DOCK1: variants seen among roughly 807,000 people sequenced by gnomAD.
DOCK1 encodes the protein dedicator of cytokinesis protein 1.
A neutral mutation model predicts 262.7 loss-of-function variants in DOCK1; 138 were observed. The observed-to-expected ratio is 0.53, with a 90% CI of 0.46 to 0.61. The LOEUF is 0.61. Among genes scored for constraint, DOCK1 ranks in the 20% least tolerant of loss-of-function variants. DOCK1 has a pLI of 0.00. For missense variants in DOCK1, 1,908 were observed against 2,370.7 expected, an observed-to-expected ratio of 0.80 and a Z score of 4.05; for synonymous variants, 866 against 867.4, an observed-to-expected ratio of 1.00 and a Z score of 0.03.
chr10:127,270,999 ATG>A (rs759346728), intron 29 of DOCK1, among the ~76,000 whole-genome samples: 5 of 133,650 alleles, frequency 3.7e-5, no homozygotes, highest in African/African-American at 1.1e-4. Flanking sequence ...ATATGTGTGT[ATG>A]TGTGTGTGTG....
intron 29 of DOCK1, among the ~76,000 whole-genome samples, chr10:127,266,792 C>T (rs957997603): frequency 1.1e-4 from 17 of 152,166 alleles, no homozygotes; most frequent in African/African-American, 3.9e-4. Context: ...TACTACAGCT[C>T]ATGCACTTAA....
At chr10:127,361,881 A>G (rs1293694870) in intron 32 of DOCK1, among the ~76,000 whole-genome samples, 183 bp from the exon 33 acceptor site, 1 of 152,188 alleles carries the variant, frequency 6.6e-6, no homozygotes, top group African/African-American at 2.4e-5. Context: ...AATACAGGCC[A>G]CTTCTTATAC....
At chr10:127,036,887 A>C (rs2043658930) in intron 18 of DOCK1, among the ~76,000 whole-genome samples, 3 of 151,038 alleles carry the variant, frequency 2.0e-5, no homozygotes, top group African/African-American at 7.3e-5. Flanking sequence ...TGAGGCAGGA[A>C]AATCTCTTGA....
At chr10:126,984,023 T>TCTTATTATG (rs879408037) in intron 4 of DOCK1, among the ~76,000 whole-genome samples, 1 of 152,168 alleles carries the variant, frequency 6.6e-6, no homozygotes, top group Non-Finnish European at 1.5e-5. Flanking sequence ...CTTATCCTCT[T>TCTTATTATG]CTTATTATGC....
Position 127,176,681 on chromosome 10 carries a change from T to G in DOCK1, c.2847+48917T>G, listed in dbSNP as rs1263119661. On this transcript the variant is annotated intron_variant, in intron 27 of 51. Coordinates refer to ENST00000623213, the MANE Select transcript of DOCK1 (RefSeq NM_001290223.2). The surrounding 1 kb of genome is among the most constrained non-coding windows in gnomAD (Gnocchi z 4.4). ...TGTTTCCCCATTAGACAAACCTGTTTTACTACATTCATCAAGAAACCCAAT... is the reference window on the plus strand; with the variant it reads ...TGTTTCCCCATTAGACAAACCTGTTGTACTACATTCATCAAGAAACCCAAT... 6.6e-6 allele frequency among the ~76,000 whole-genome samples: 1 copy of G among 152,184 alleles called. No homozygotes were observed. The highest frequency in any genetic ancestry group is 6.5e-5 in the Admixed American group (1 of 15,278).
intron 23 of DOCK1, among the ~76,000 whole-genome samples, chr10:127,071,336 G>C (rs1056540226): frequency 2.0e-5 from 3 of 152,142 alleles, no homozygotes; most frequent in African/African-American, 7.2e-5. Flanking sequence ...AATCAGGAGA[G>C]GTCTGGATAA....
At chr10:127,031,135 T>G (rs2043210732) in intron 16 of DOCK1, among the ~76,000 whole-genome samples, 1 of 152,190 alleles carries the variant, frequency 6.6e-6, no homozygotes. Flanking sequence ...GATTTTAGTT[T>G]TCTGTATTGA....
intron 29 of DOCK1, among the ~76,000 whole-genome samples, chr10:127,311,221 G>A (rs1318226208): frequency 6.6e-6 from 1 of 152,182 alleles, no homozygotes; most frequent in Non-Finnish European, 1.5e-5. Context: ...CTGGGGCCAT[G>A]CTTTGAAGGA....
intron 8 of DOCK1, 68 bp downstream of exon 8, chr10:126,998,317 C>T (rs2040353570): frequency 6.3e-7 from 1 of 1,593,302 alleles, no homozygotes; most frequent in South Asian, 1.1e-5. Flanking sequence ...ATCAGAACCA[C>T]TGAAGCGTCC....
At chr10:127,170,883 C>A (rs910864513) in intron 27 of DOCK1, among the ~76,000 whole-genome samples, 1 of 152,198 alleles carries the variant, frequency 6.6e-6, no homozygotes. Flanking sequence ...TTCATGCAAG[C>A]CCGCACTGCA....
At chr10:127,127,472 C>A (rs901953370) in intron 26 of DOCK1, among the ~76,000 whole-genome samples, 197 bp from the exon 27 acceptor site, 1 of 152,190 alleles carries the variant, frequency 6.6e-6, no homozygotes, top group Non-Finnish European at 1.5e-5. Context: ...AACAAATTAT[C>A]ATTAATGGAC....
intron 1 of DOCK1, among the ~76,000 whole-genome samples, chr10:126,951,510 T>C (rs2036242120): frequency 6.6e-6 from 1 of 151,622 alleles, no homozygotes; most frequent in Admixed American, 6.6e-5. Context: ...ATGGTGGTAA[T>C]GTTGTTTTTG....
intron 27 of DOCK1, among the ~76,000 whole-genome samples, chr10:127,220,048 A>G (rs945449309): frequency 6.6e-6 from 1 of 152,150 alleles, no homozygotes; most frequent in Non-Finnish European, 1.5e-5. Context: ...CATGAGTTCA[A>G]AATCAATGCT....
At chr10:126,975,693 C>T (rs1465615192) in intron 2 of DOCK1, among the ~76,000 whole-genome samples, 2 of 150,050 alleles carry the variant, frequency 1.3e-5, no homozygotes. Context: ...GGCATGATCT[C>T]AGCTCACTGC....
In DOCK1 at chr10:127,037,960, G is replaced by A; in HGVS notation, c.2010+144G>A. ...AAAAATAGTGACATAGGGATTGGGTGCGGTGGCTTACGCCTGTAATCTCAG... is the reference window on the plus strand; with the variant it reads ...AAAAATAGTGACATAGGGATTGGGTACGGTGGCTTACGCCTGTAATCTCAG... On this transcript the variant is annotated intron_variant, in intron 19 of 51. Coordinates refer to ENST00000623213, the MANE Select transcript of DOCK1 (RefSeq NM_001290223.2). 4 of 705,004 alleles carry A rather than the reference G, an allele frequency of 5.7e-6. No homozygotes were observed. The South Asian group carries it at 6.8e-5, about 12-fold the overall frequency. 43.7% of individuals were successfully genotyped at this position (705,004 alleles called of 1,614,324 possible). A position where few individuals can be genotyped will look rare whatever the true frequency, so the allele number is the denominator to read the frequency against.
chr10:127,347,885 A>C (rs138353635), intron 31 of DOCK1, among the ~76,000 whole-genome samples: 111 of 9,918 alleles, frequency 0.011, 13 homozygotes, highest in African/African-American at 0.019. Context: ...TTCCCTTCCC[A>C]TCCCTTCCCT....
intron 29 of DOCK1, among the ~76,000 whole-genome samples, chr10:127,317,426 A>T (rs1048734108): frequency 3.3e-5 from 5 of 152,216 alleles, no homozygotes; most frequent in African/African-American, 1.2e-4. Flanking sequence ...TGCCATATTC[A>T]TGCAGGTGAT....
At chr10:127,419,993 T>G (rs2134480741) in intron 46 of DOCK1, among the ~76,000 whole-genome samples, 1 of 152,344 alleles carries the variant, frequency 6.6e-6, no homozygotes. Context: ...TTTCCTCCCC[T>G]TGGTCAATTC....
intron 49 of DOCK1, among the ~76,000 whole-genome samples, chr10:127,439,638 G>A (rs190791536): frequency 4.6e-5 from 7 of 152,236 alleles, no homozygotes; most frequent in East Asian, 1.9e-4. Context: ...AGCTAGTTAC[G>A]GCCCAAGTGT....
Sources: allele counts gnomAD v4.1 joint callset (sites outside exome capture counted in the v4.1 genomes callset), GRCh38; gene constraint gnomAD v4.1.1; non-coding constraint Gnocchi (gnomAD v3.1); transcripts MANE v1.5; gene names NCBI Gene and HGNC (gene_info 2026-07-23, HGNC 2026-07-21).